The following CUX1 variants were observed in gnomAD, a reference collection of about 807,000 sequenced individuals.
The protein encoded by CUX1 is protein CASP.
In CUX1, 31 loss-of-function variants were observed where a neutral mutation model predicts 158.8. That is an observed-to-expected ratio of 0.20 (90% CI 0.15 to 0.26). CUX1 has a LOEUF of 0.26. Ranked by LOEUF, CUX1 falls within the 10% of genes least tolerant of loss-of-function variation. The pLI, the probability that CUX1 is intolerant of heterozygous loss-of-function variation, is 1.00. For missense variants in CUX1, 1,589 were observed against 2,014.6 expected (o/e 0.79, Z 4.04); for synonymous variants, 879 against 862.1 (o/e 1.02, Z -0.34).
At chr7:102,115,143 G>C (rs577193750) in intron 7 of CUX1, 64 bp from the exon 8 acceptor site, 2 of 1,380,178 alleles carry the variant, frequency 1.4e-6, no homozygotes, top group Admixed American at 1.9e-5. Context: ...AATGGGAATA[G>C]ATTACCTGTG....
intron 2 of CUX1, among the ~76,000 whole-genome samples, chr7:102,003,799 GATA>G (rs1369490844): frequency 6.6e-6 from 1 of 152,132 alleles, no homozygotes; most frequent in African/African-American, 2.4e-5. Context: ...AATAACATAG[GATA>G]TTAAATATCA....
At chr7:102,020,775 GA>G (rs1207833272) in intron 2 of CUX1, among the ~76,000 whole-genome samples, 2 of 152,040 alleles carry the variant, frequency 1.3e-5, no homozygotes, top group Non-Finnish European at 2.9e-5. Context: ...AGCTACTTGG[GA>G]AGCTGAGGCA....
At chr7:101,949,333 T>C (rs989993462) in intron 2 of CUX1, among the ~76,000 whole-genome samples, 4 of 151,782 alleles carry the variant, frequency 2.6e-5, no homozygotes, top group African/African-American at 9.7e-5. Flanking sequence ...GGTTTCACCG[T>C]GTTAGCCAGG....
chr7:102,261,030 G>A (rs782596873), downstream of CUX1, among the ~76,000 whole-genome samples: 2 of 152,236 alleles, frequency 1.3e-5, no homozygotes, highest in African/African-American at 4.8e-5. Context: ...CAGAGCTACC[G>A]TGATGTTGCC....
At chr7:102,233,514 C>T (rs1405210277) in intron 21 of CUX1, among the ~76,000 whole-genome samples, 2 of 152,152 alleles carry the variant, frequency 1.3e-5, no homozygotes, top group African/African-American at 2.4e-5. Flanking sequence ...TGGCCAGATG[C>T]GGTGACTCAT....
At chr7:101,834,357 A>G (rs890511905) in intron 1 of CUX1, among the ~76,000 whole-genome samples, 10 of 150,912 alleles carry the variant, frequency 6.6e-5, no homozygotes, top group Admixed American at 6.6e-4. Flanking sequence ...TATTTTTAGT[A>G]GAGATGGGGT....
At chr7:101,865,066 A>G (rs1797810980) in intron 1 of CUX1, among the ~76,000 whole-genome samples, 1 of 152,168 alleles carries the variant, frequency 6.6e-6, no homozygotes, top group South Asian at 2.1e-4. Flanking sequence ...AGTTTATCAC[A>G]AAGATACCAA....
Position 102,121,363 on chromosome 7 carries a change from GGAGACT to G in CUX1, c.674+6094_674+6099del, listed in dbSNP as rs1832024163. Among the ~76,000 whole-genome samples, 128 of 72,876 alleles carry G rather than the reference GGAGACT, an allele frequency of 1.8e-3. 1 individual carries two copies. Among genetic ancestry groups the G allele is most frequent in the African/African-American group, 6.9e-3 (121 of 17,446 alleles). The allele number at this position is 72,876 out of a possible 152,430, so 47.8% of individuals were successfully genotyped here. On this transcript the variant is annotated intron_variant, in intron 8 of 23. Transcript: ENST00000292535. ...TTGCTTTTTGGTTTTTTTTTTTTTT[GGAGACT>G]GAGTCTCGCTCTATTGCCCAGGCTG...
rs114449599 is a variant in CUX1, at chr7:102,141,022, G to A, written c.675-17538G>A. Among the ~76,000 whole-genome samples, 730 of 152,226 alleles carry A rather than the reference G, an allele frequency of 4.8e-3. 6 individuals are homozygous for A. The highest frequency in any genetic ancestry group is 0.017 in the African/African-American group (699 of 41,540). The stretch of plus-strand genomic sequence containing the variant: ...TTAGTGATTAGACAGGATGGAGGGC[G>A]TTCTTAAAGATTCATGGCCAAATCC... On this transcript the variant is annotated intron_variant, in intron 8 of 23. Transcript: ENST00000292535.
chr7:102,193,483 G>T (rs2131940388), intron 12 of CUX1, among the ~76,000 whole-genome samples: 1 of 152,318 alleles, frequency 6.6e-6, no homozygotes, highest in Non-Finnish European at 1.5e-5. Context: ...TAATGTTAAT[G>T]CTTATTAATG....
At chr7:102,028,833 C>T (rs1304877893) in intron 3 of CUX1, among the ~76,000 whole-genome samples, 1 of 152,078 alleles carries the variant, frequency 6.6e-6, no homozygotes, top group African/African-American at 2.4e-5. Context: ...TTTAGAAAAC[C>T]AGAAATTATA....
intron 8 of CUX1, among the ~76,000 whole-genome samples, chr7:102,158,268 T>C (rs995452690): frequency 1.3e-5 from 2 of 152,188 alleles, no homozygotes; most frequent in Admixed American, 6.5e-5. Context: ...TTTGAACCCT[T>C]GGCAGGACAT....
At chr7:102,205,920 G>A (rs1217764924) in intron 20 of CUX1, among the ~76,000 whole-genome samples, 3 of 152,090 alleles carry the variant, frequency 2.0e-5, no homozygotes, top group South Asian at 4.2e-4. Context: ...TCCCACACTT[G>A]GAGCTGAGCT....
At chr7:101,881,357 G>A (rs563584912) in intron 1 of CUX1, among the ~76,000 whole-genome samples, 2 of 152,304 alleles carry the variant, frequency 1.3e-5, no homozygotes, top group Non-Finnish European at 2.9e-5. Context: ...GTGTTCCCAT[G>A]TACAGACCAG....
At chr7:102,145,333 T>C (rs1554501721) in intron 8 of CUX1, among the ~76,000 whole-genome samples, 1 of 151,898 alleles carries the variant, frequency 6.6e-6, no homozygotes, top group African/African-American at 2.4e-5. Flanking sequence ...TCCTCATGCT[T>C]TCCTGAAAAT....
upstream of CUX1, chr7:101,817,215 C>T (rs1282794274): frequency 2.0e-6 from 2 of 984,472 alleles, no homozygotes; most frequent in African/African-American, 3.5e-5. This position sits in a 1 kb window ranked among gnomAD's most constrained non-coding sequence, Gnocchi z 4.1. Flanking sequence ...TACGCTGCCT[C>T]CCCGCCGCCG....
intron 23 of CUX1, among the ~76,000 whole-genome samples, chr7:102,245,356 T>C (rs1716977518): frequency 6.6e-6 from 1 of 152,140 alleles, no homozygotes; most frequent in Admixed American, 6.6e-5. Flanking sequence ...AGCAGACAGT[T>C]TTATAGATAT....
intron 15 of CUX1, chr7:102,273,614 T>C: frequency 7.8e-7 from 1 of 1,275,404 alleles, no homozygotes; most frequent in East Asian, 2.4e-5. Context: ...CCAGAAGGGC[T>C]GTCACCTAAA....
intron 3 of CUX1, among the ~76,000 whole-genome samples, chr7:102,056,485 A>T (rs1188185413): frequency 1.3e-5 from 2 of 152,238 alleles, no homozygotes; most frequent in Non-Finnish European, 1.5e-5. Flanking sequence ...AAATGGAATC[A>T]TAAAGCCTAG....
Sources: allele counts gnomAD v4.1 joint callset (sites outside exome capture counted in the v4.1 genomes callset), GRCh38; gene constraint gnomAD v4.1.1; non-coding constraint Gnocchi (gnomAD v3.1); transcripts MANE v1.5; gene names NCBI Gene and HGNC (gene_info 2026-07-23, HGNC 2026-07-21).